Variants in PITPNC1 observed in about 807,000 individuals in gnomAD.
PITPNC1 encodes the protein phosphatidylinositol transfer protein cytoplasmic 1.
Under a neutral mutation model 44.7 loss-of-function variants are expected in PITPNC1, and 18 were observed. The ratio of observed to expected loss-of-function variants is 0.40; its 90% CI spans 0.28 to 0.60. The LOEUF (loss-of-function observed/expected upper bound fraction) is 0.60, where lower values mean the gene tolerates loss of function less well. Among genes scored for constraint, PITPNC1 ranks in the 20% least tolerant of loss-of-function variants. PITPNC1 has a pLI of 0.39. For synonymous variants in PITPNC1, 141 were observed against 149.6 expected, an observed-to-expected ratio of 0.94 and a Z score of 0.42; for missense variants, 290 against 418.4, an observed-to-expected ratio of 0.69 and a Z score of 2.68.
chr17:67,414,655 T>C (rs1204151621), intron 1 of PITPNC1, among the ~76,000 whole-genome samples: 2 of 152,118 alleles, frequency 1.3e-5, no homozygotes, highest in Non-Finnish European at 2.9e-5. Context: ...GGCCATATGG[T>C]GTGCAAAGCC....
chr17:67,631,050 GTTGTTATTA>G lies in PITPNC1; in HGVS notation c.367-1090_367-1082del, dbSNP rs1177548260. 2.8e-3 allele frequency among the ~76,000 whole-genome samples: 380 copies of G among 134,416 alleles called. 2 individuals carry two copies. The highest frequency in any genetic ancestry group is 7.2e-3 in the Middle Eastern group (2 of 278). The allele number at this position is 134,416 out of a possible 152,430, so 88.2% of individuals were successfully genotyped here. A position where few individuals can be genotyped will look rare whatever the true frequency, so the allele number is the denominator to read the frequency against. ...TATATATTGCGGCTGTGTTGTTGTT[GTTGTTATTA>G]TTATTATTATTATTATTATTATTAT... On this transcript the variant is annotated intron_variant, in intron 5 of 8. Transcript: ENST00000581322.
At chr17:67,631,479 A>C (rs968617508) in intron 5 of PITPNC1, among the ~76,000 whole-genome samples, 1 of 135,940 alleles carries the variant, frequency 7.4e-6, no homozygotes, top group Non-Finnish European at 1.6e-5. Context: ...AATACAAAAA[A>C]TTAGCCGGGC....
intron 8 of PITPNC1, among the ~76,000 whole-genome samples, chr17:67,683,937 C>G (rs1333841636): frequency 6.9e-6 from 1 of 145,908 alleles, no homozygotes; most frequent in African/African-American, 2.6e-5. Flanking sequence ...GAAATTGCAC[C>G]AGTGCACTTC....
intron 1 of PITPNC1, among the ~76,000 whole-genome samples, chr17:67,481,084 G>A (rs2039695431): frequency 6.6e-6 from 1 of 152,228 alleles, no homozygotes; most frequent in Non-Finnish European, 1.5e-5. Flanking sequence ...GTGCACGCCT[G>A]TAACCCCAGC....
chr17:67,598,379 A>G (rs1015600970), intron 5 of PITPNC1, among the ~76,000 whole-genome samples: 2 of 152,260 alleles, frequency 1.3e-5, no homozygotes, highest in African/African-American at 2.4e-5. Flanking sequence ...CGTGCTACCA[A>G]CTAAGGCGAG....
chr17:67,547,245 TG>T (rs1285310869), intron 2 of PITPNC1, among the ~76,000 whole-genome samples: 1 of 152,218 alleles, frequency 6.6e-6, no homozygotes, highest in African/African-American at 2.4e-5. Flanking sequence ...CCAGGTGCAC[TG>T]GCTCATGCCT....
chr17:67,530,455 C>T (rs1220830379), intron 1 of PITPNC1, among the ~76,000 whole-genome samples: 1 of 152,058 alleles, frequency 6.6e-6, no homozygotes, highest in Non-Finnish European at 1.5e-5. Flanking sequence ...CTGCCTGTGT[C>T]CCTGTCTAAG....
chr17:67,502,554 G>A (rs1425217255), intron 1 of PITPNC1, among the ~76,000 whole-genome samples: 1 of 152,154 alleles, frequency 6.6e-6, no homozygotes, highest in Non-Finnish European at 1.5e-5. Context: ...AGGATTGGGG[G>A]CAGCATTGGG....
At chr17:67,396,296 A>C (rs755163591) in intron 1 of PITPNC1, among the ~76,000 whole-genome samples, 1 of 152,142 alleles carries the variant, frequency 6.6e-6, no homozygotes, top group African/African-American at 2.4e-5. Context: ...CCTTTTGACC[A>C]TGTTCTCTAG....
intron 1 of PITPNC1, among the ~76,000 whole-genome samples, chr17:67,449,445 G>A (rs946185231): frequency 2.0e-5 from 3 of 152,124 alleles, no homozygotes; most frequent in African/African-American, 7.2e-5. Context: ...CTGACGACCC[G>A]AGATTCCTTG....
chr17:67,679,341 A>G lies in PITPNC1; in HGVS notation c.682+3799A>G, dbSNP rs535418761. Among the ~76,000 whole-genome samples the G allele has an allele frequency of 3.9e-5, 6 of 152,366 alleles. No homozygotes were observed. In the South Asian group the frequency reaches 1.0e-3, roughly 26 times the overall value. On this transcript the variant is annotated intron_variant, in intron 8 of 8. Transcript: ENST00000581322. ...ATTTCTTGTGAGAATTAGAAAAAAA[A>G]GCTTCCCTTTAGACAGATGAATTAG...
intron 5 of PITPNC1, among the ~76,000 whole-genome samples, chr17:67,583,536 C>T (rs62084145): frequency 0.14 from 20,271 of 144,744 alleles, 1,732 homozygotes; most frequent in South Asian, 0.26. Flanking sequence ...TGCAGGGAGC[C>T]GAGATCACAC....
At chr17:67,617,966 T>C (rs545337065) in intron 5 of PITPNC1, among the ~76,000 whole-genome samples, 1 of 152,240 alleles carries the variant, frequency 6.6e-6, no homozygotes, top group African/African-American at 2.4e-5. Context: ...GGGGGGACAC[T>C]CTTCAACTTA....
chr17:67,692,092 T>C (rs560035331), intron 8 of PITPNC1, among the ~76,000 whole-genome samples: 2 of 152,276 alleles, frequency 1.3e-5, no homozygotes, highest in Admixed American at 1.3e-4. Flanking sequence ...ACTTTCATGA[T>C]CTAAAGTTGA....
chr17:67,604,292 G>C (rs2642050), intron 5 of PITPNC1, among the ~76,000 whole-genome samples: 11,245 of 152,230 alleles, frequency 0.074, 783 homozygotes, highest in African/African-American at 0.17. Context: ...GGCAGAGCTG[G>C]GTTGCCTCAA....
At chr17:67,463,241 A>G (rs555812958) in intron 1 of PITPNC1, among the ~76,000 whole-genome samples, 1 of 152,332 alleles carries the variant, frequency 6.6e-6, no homozygotes, top group East Asian at 1.9e-4. Flanking sequence ...AGGAATGAAT[A>G]TGGATGGTGT....
At chr17:67,683,838 C>T (rs909663502) in intron 8 of PITPNC1, among the ~76,000 whole-genome samples, 1 of 151,550 alleles carries the variant, frequency 6.6e-6, no homozygotes, top group Admixed American at 6.6e-5. Context: ...ATCAGCCGGG[C>T]GTGGTGGCAC....
intron 1 of PITPNC1, among the ~76,000 whole-genome samples, chr17:67,522,019 T>G (rs1439612429): frequency 6.6e-6 from 1 of 152,108 alleles, no homozygotes; most frequent in African/African-American, 2.4e-5. Flanking sequence ...TAAAGACCTC[T>G]CGGGCTGGGC....
Position 67,578,260 on chromosome 17 carries a change from G to A in PITPNC1, c.366+3G>A. On this transcript the variant is annotated splice_donor_region_variant and intron_variant, in intron 5 of 8. Coordinates refer to ENST00000581322, the MANE Select transcript of PITPNC1 (RefSeq NM_012417.4). ...ACAACAAAGGAAGCAATGACACCGT[G>A]AGTAGCCCCTCCTTCCATGCTGCGC... 1.2e-6 allele frequency: 2 copies of A among 1,600,980 alleles called. No individual in the cohort carries two copies. Among genetic ancestry groups the A allele is most frequent in the Non-Finnish European group, 8.6e-7 (1 of 1,169,344 alleles).
Sources: gnomAD v4.1 joint callset for allele counts (sites outside exome capture counted in the v4.1 genomes callset) on GRCh38, gnomAD v4.1.1 for gene constraint, MANE v1.5 for transcripts, NCBI Gene and HGNC (gene_info 2026-07-23, HGNC 2026-07-21) for gene names.